Variants in SHQ1 observed in about 807,000 individuals in gnomAD.
SHQ1 encodes the protein protein SHQ1 homolog.
In SHQ1, 49 loss-of-function variants were observed where a neutral mutation model predicts 53.8. The ratio of observed to expected loss-of-function variants is 0.91; its 90% CI spans 0.72 to 1.16. The LOEUF (loss-of-function observed/expected upper bound fraction) is 1.16, where lower values mean the gene tolerates loss of function less well. Among genes scored for constraint, SHQ1 ranks in the 50% most tolerant of loss-of-function variants. The probability of loss-of-function intolerance (pLI) is 0.00; values close to 1 mark genes in which losing one functional copy is unlikely to be tolerated. For synonymous variants in SHQ1, 243 were observed against 251.0 expected (o/e 0.97, Z 0.30); for missense variants, 738 against 683.1 (o/e 1.08, Z -0.90).
chr3:72,817,388 G>C lies in SHQ1; in HGVS notation c.728-4C>G, dbSNP rs2106876023. The C allele has an allele frequency of 6.3e-7, 1 of 1,599,414 alleles. No homozygotes were observed. The highest frequency in any genetic ancestry group is 2.3e-5 in the East Asian group (1 of 44,416). On this transcript the variant is annotated splice_polypyrimidine_tract_variant and splice_region_variant and intron_variant, in intron 6 of 10. Coordinates refer to ENST00000325599, the MANE Select transcript of SHQ1 (RefSeq NM_018130.3). Reference sequence around the variant, plus strand: ...TTCTCTTCTTCAGAAAAAGACACTAGAAGAAAACGCATTTAAAAACTAGAT... The same window carrying C: ...TTCTCTTCTTCAGAAAAAGACACTACAAGAAAACGCATTTAAAAACTAGAT...
At chr3:72,830,858 CACTGCTA>C (rs567360790) in intron 5 of SHQ1, among the ~76,000 whole-genome samples, 225 of 152,300 alleles carry the variant, frequency 1.5e-3, no homozygotes, top group African/African-American at 5.3e-3. Flanking sequence ...TATAATATCA[CACTGCTA>C]ACTATAAATT....
the SHQ1 span, among the ~76,000 whole-genome samples, chr3:72,727,272 C>A: frequency 6.6e-6 from 1 of 152,132 alleles, no homozygotes; most frequent in Non-Finnish European, 1.5e-5. Context: ...ATCAGTAAAC[C>A]ATACACAAAC....
At position 72,842,306 on chromosome 3, in the gene SHQ1, G is replaced by C; in HGVS notation, c.305C>G (p.Thr102Arg). The change falls in exon 3 of 11, where the codon ACA (threonine) becomes AGA (arginine). Residue 102 changes from threonine to arginine, a missense_variant. By Grantham distance (71) the Thr-to-Arg change is moderately conservative (BLOSUM62 -1). Coordinates refer to ENST00000325599, the MANE Select transcript of SHQ1 (RefSeq NM_018130.3). Reference sequence around the variant, plus strand: ...TATTTCTTCCACAAGTGGTTTTGCTGTCCTGGATTTTCTTGGTGCCAGAAG... The same window carrying C: ...TATTTCTTCCACAAGTGGTTTTGCTCTCCTGGATTTTCTTGGTGCCAGAAG... ...TALLAPRKSR[T>R]AKPLVEEIGA... is the part of the protein sequence containing the mutation. 1 of 1,613,590 alleles carries C rather than the reference G, an allele frequency of 6.2e-7. No homozygotes were observed. The highest frequency in any genetic ancestry group is 1.1e-5 in the South Asian group (1 of 91,056).
intron 6 of SHQ1, among the ~76,000 whole-genome samples, chr3:72,821,766 A>G (rs1031054107): frequency 5.3e-5 from 8 of 152,314 alleles, no homozygotes; most frequent in Admixed American, 3.9e-4. Flanking sequence ...AGCATGCACC[A>G]TAGTTCAGCA....
At chr3:72,816,319 T>C (rs1294140389) in intron 7 of SHQ1, among the ~76,000 whole-genome samples, 2 of 152,190 alleles carry the variant, frequency 1.3e-5, no homozygotes, top group African/African-American at 2.4e-5. Flanking sequence ...TACATCACCA[T>C]GTAACAGCGG....
At chr3:72,796,928 T>TAAAAA (rs60237295) in intron 9 of SHQ1, among the ~76,000 whole-genome samples, 10 of 119,850 alleles carry the variant, frequency 8.3e-5, no homozygotes, top group African/African-American at 2.5e-4. Flanking sequence ...CCTATTTTCT[T>TAAAAA]AAAAAAAAAA....
intron 10 of SHQ1, among the ~76,000 whole-genome samples, chr3:72,770,713 C>G (rs1384839478): frequency 1.3e-5 from 2 of 152,114 alleles, no homozygotes; most frequent in African/African-American, 4.8e-5. Context: ...GAACAATACA[C>G]CTAGCCTCGA....
At chr3:72,753,454 T>A in intron 10 of SHQ1, 1 of 985,244 alleles carries the variant, frequency 1.0e-6, no homozygotes, top group Non-Finnish European at 1.2e-6. Flanking sequence ...AATAATGAGA[T>A]TGTGCAGGGA....
chr3:72,839,077 A>G (rs1301976472), intron 4 of SHQ1, among the ~76,000 whole-genome samples: 1 of 152,198 alleles, frequency 6.6e-6, no homozygotes, highest in East Asian at 1.9e-4. Context: ...CCTGTCAGAA[A>G]TCTTTCAAAA....
At chr3:72,728,732 C>T in the SHQ1 span, among the ~76,000 whole-genome samples, 1 of 152,310 alleles carries the variant, frequency 6.6e-6, no homozygotes, top group Admixed American at 6.5e-5. Context: ...TTGCTTGAGG[C>T]ACAAGTTAGG....
chr3:72,785,795 G>T (rs1706213609), intron 10 of SHQ1, among the ~76,000 whole-genome samples: 1 of 152,120 alleles, frequency 6.6e-6, no homozygotes, highest in African/African-American at 2.4e-5. Flanking sequence ...ATACTTATAG[G>T]TAACACAGTA....
At chr3:72,765,556 TA>T (rs1217333997) in intron 10 of SHQ1, among the ~76,000 whole-genome samples, 9,410 of 76,946 alleles carry the variant, frequency 0.12, 601 homozygotes, top group Non-Finnish European at 0.16. Flanking sequence ...TATATATATA[TA>T]TTTTTTTTTT....
intron 10 of SHQ1, among the ~76,000 whole-genome samples, chr3:72,790,153 TGA>T (rs1706391004): frequency 6.6e-6 from 1 of 152,148 alleles, no homozygotes; most frequent in South Asian, 2.1e-4. Flanking sequence ...TAACTCAGAA[TGA>T]GAGGCCAGGA....
intron 10 of SHQ1, among the ~76,000 whole-genome samples, chr3:72,789,423 G>T (rs1329108614): frequency 6.6e-6 from 1 of 152,158 alleles, no homozygotes; most frequent in African/African-American, 2.4e-5. Flanking sequence ...AATTCTTCCA[G>T]TATGGCCCAT....
intron 10 of SHQ1, among the ~76,000 whole-genome samples, chr3:72,790,696 A>G (rs1254266406): frequency 6.6e-6 from 1 of 152,204 alleles, no homozygotes; most frequent in African/African-American, 2.4e-5. Context: ...AGAAATTTTT[A>G]TAAAAATTAG....
intron 10 of SHQ1, among the ~76,000 whole-genome samples, chr3:72,777,584 A>G (rs1705984699): frequency 6.6e-6 from 1 of 152,248 alleles, no homozygotes; most frequent in Non-Finnish European, 1.5e-5. Flanking sequence ...ATTATTATAC[A>G]TTGCTGGTTA....
intron 10 of SHQ1, among the ~76,000 whole-genome samples, chr3:72,757,580 C>A (rs955533098): frequency 1.3e-5 from 2 of 152,046 alleles, no homozygotes. Flanking sequence ...GCATTTACTG[C>A]ACATCAATGG....
At chr3:72,792,001 C>G (rs752159118) in intron 10 of SHQ1, among the ~76,000 whole-genome samples, 54 of 152,204 alleles carry the variant, frequency 3.5e-4, no homozygotes, top group Admixed American at 2.4e-3. Context: ...TTGATTGACG[C>G]AATGGTAAAC....
At chr3:72,728,733 A>C in the SHQ1 span, among the ~76,000 whole-genome samples, 2 of 152,322 alleles carry the variant, frequency 1.3e-5, no homozygotes, top group African/African-American at 2.4e-5. Context: ...TGCTTGAGGC[A>C]CAAGTTAGGA....
Sources: gnomAD v4.1 joint callset for allele counts (sites outside exome capture counted in the v4.1 genomes callset) on GRCh38, gnomAD v4.1.1 for gene constraint, MANE v1.5 for transcripts, NCBI Gene and HGNC (gene_info 2026-07-23, HGNC 2026-07-21) for gene names.